Variants in DNAH14 observed in about 807,000 individuals in gnomAD.
The protein encoded by DNAH14 is dynein axonemal heavy chain 14.
DNAH14 carries 478 observed loss-of-function variants against 520.9 expected under a neutral mutation model. That is an observed-to-expected ratio of 0.92 (90% CI 0.85 to 0.99). The LOEUF (loss-of-function observed/expected upper bound fraction) is 0.99, where lower values mean the gene tolerates loss of function less well. Among genes scored for constraint, DNAH14 ranks in the 50% least tolerant of loss-of-function variants. The pLI, the probability that DNAH14 is intolerant of heterozygous loss-of-function variation, is 0.00. For missense variants in DNAH14, 4,831 were observed against 5,234.5 expected, an observed-to-expected ratio of 0.92 and a Z score of 2.38; for synonymous variants, 1,581 against 1,757.2, an observed-to-expected ratio of 0.90 and a Z score of 2.51.
chr1:225,156,678 G>C (rs1303030706), intron 34 of DNAH14, among the ~76,000 whole-genome samples: 3 of 148,724 alleles, frequency 2.0e-5, no homozygotes, highest in African/African-American at 5.0e-5. Context: ...ATTTACATCT[G>C]GATACTCTAG....
At chr1:225,013,493 A>T (rs2147928855) in intron 10 of DNAH14, among the ~76,000 whole-genome samples, 1 of 152,144 alleles carries the variant, frequency 6.6e-6, no homozygotes, top group East Asian at 1.9e-4. Flanking sequence ...GTGCTGGGAG[A>T]TCTGTTACTC....
At chr1:225,122,115 T>C (rs1269380617) in intron 26 of DNAH14, among the ~76,000 whole-genome samples, 2 of 152,180 alleles carry the variant, frequency 1.3e-5, no homozygotes, top group African/African-American at 4.8e-5. Context: ...ATTGATGATG[T>C]AATTATTTTA....
chr1:225,370,650 T>A (rs2095608283), intron 77 of DNAH14, among the ~76,000 whole-genome samples: 1 of 152,036 alleles, frequency 6.6e-6, no homozygotes, highest in Non-Finnish European at 1.5e-5. Context: ...ATGTCTCCAG[T>A]ATTAAAGAAA....
intron 5 of DNAH14, among the ~76,000 whole-genome samples, chr1:224,965,127 T>C (rs2061081404): frequency 6.6e-6 from 1 of 152,092 alleles, no homozygotes; most frequent in African/African-American, 2.4e-5. Context: ...GACCAGAGGG[T>C]GAAAGCTATG....
In DNAH14 at chr1:225,195,509, AG is replaced by A. The variant is rs2086014258; in HGVS notation, c.5886+2600del. ...ATAGACACTGGGGCTTACTTGGTGG[AG>A]GATGGGAGGATGGAGAGGATCAAAA... On this transcript the variant is annotated intron_variant, in intron 38 of 85. Coordinates refer to ENST00000682510, the MANE Select transcript of DNAH14 (RefSeq NM_001367479.1). 9.3e-5 allele frequency among the ~76,000 whole-genome samples: 14 copies of A among 151,308 alleles called. No homozygotes were observed. In the South Asian group the frequency reaches 3.0e-3, roughly 32 times the overall value.
At chr1:225,234,733 T>A (rs1467468410) in intron 42 of DNAH14, among the ~76,000 whole-genome samples, 3 of 152,224 alleles carry the variant, frequency 2.0e-5, no homozygotes, top group Non-Finnish European at 4.4e-5. Flanking sequence ...AGCAGTGGTT[T>A]GTAGTTCTCC....
At chr1:225,152,915 G>A in intron 33 of DNAH14, 32 bp downstream of exon 33, 3 of 1,538,780 alleles carry the variant, frequency 1.9e-6, no homozygotes, top group African/African-American at 1.4e-5. Flanking sequence ...AATATTTAAA[G>A]GTGATTATAT....
At chr1:225,188,590 A>T (rs1326158963) in intron 37 of DNAH14, among the ~76,000 whole-genome samples, 2 of 151,932 alleles carry the variant, frequency 1.3e-5, no homozygotes, top group Admixed American at 1.3e-4. Flanking sequence ...ATAAAGGCGG[A>T]TTATTGTAGT....
intron 60 of DNAH14, among the ~76,000 whole-genome samples, chr1:225,309,170 G>A (rs184946777): frequency 6.6e-6 from 1 of 152,130 alleles, no homozygotes; most frequent in Non-Finnish European, 1.5e-5. Flanking sequence ...AAATTTTCTT[G>A]TTGGCCTCTT....
intron 53 of DNAH14, 21 bp from the exon 54 acceptor site, chr1:225,277,389 T>A (rs755090054): frequency 2.2e-6 from 1 of 461,912 alleles, no homozygotes; most frequent in South Asian, 1.6e-5. Context: ...ATCCATTTAT[T>A]TGTCACATTT....
In DNAH14 at chr1:225,150,263, A is replaced by G. The variant is rs536579911; in HGVS notation, c.4941-1742A>G. Among the ~76,000 whole-genome samples, 10 of 152,318 alleles carry G rather than the reference A, an allele frequency of 6.6e-5. No homozygotes were observed. The South Asian group carries it at 2.1e-3, about 32-fold the overall frequency. On this transcript the variant is annotated intron_variant, in intron 31 of 85. Transcript: ENST00000682510. ...TAAAGCCTAGTTGATCGTGGTAGAT[A>G]AGGTTTTTGATGTGCTGCTAGATTC...
intron 55 of DNAH14, among the ~76,000 whole-genome samples, chr1:225,295,495 T>C (rs1442612352): frequency 6.6e-6 from 1 of 152,204 alleles, no homozygotes; most frequent in Non-Finnish European, 1.5e-5. Flanking sequence ...TCTTAATTTC[T>C]TCCTTCATCC....
At chr1:224,935,357 C>T (rs752052738) in intron 1 of DNAH14, among the ~76,000 whole-genome samples, 14 of 151,526 alleles carry the variant, frequency 9.2e-5, no homozygotes, top group South Asian at 2.1e-4. Context: ...TTATCAGTAA[C>T]GACACATATA....
chr1:224,982,782 A>C (rs561306185), intron 8 of DNAH14, among the ~76,000 whole-genome samples: 1 of 152,222 alleles, frequency 6.6e-6, no homozygotes, highest in Admixed American at 6.5e-5. Flanking sequence ...TTTGGAGTTG[A>C]TTTCCAGTTT....
At position 225,364,913 on chromosome 1, in the gene DNAH14, A is replaced by G; in HGVS notation, c.12090+19A>G. 2.0e-6 allele frequency: 3 copies of G among 1,511,886 alleles called. No individual in the cohort carries two copies. The highest frequency in any genetic ancestry group is 2.7e-6 in the Non-Finnish European group (3 of 1,120,284). The allele number at this position is 1,511,886 out of a possible 1,614,324, so 93.7% of individuals were successfully genotyped here. ...TTTAAAGGTAAGAACAAAGTATAAC[A>G]GATTTAATGTTGACTGAGGAGCCCT... is the stretch of plus-strand genomic sequence containing the variant. On this transcript the variant is annotated intron_variant, in intron 76 of 85. Coordinates refer to ENST00000682510, the MANE Select transcript of DNAH14 (RefSeq NM_001367479.1).
chr1:225,229,744 A>C (rs2090915944), intron 41 of DNAH14, among the ~76,000 whole-genome samples: 1 of 151,878 alleles, frequency 6.6e-6, no homozygotes, highest in Non-Finnish European at 1.5e-5. Flanking sequence ...CAAGGGGGGA[A>C]CATCATACAC....
At chr1:225,202,532 TC>T (rs34185159) in intron 38 of DNAH14, among the ~76,000 whole-genome samples, 1 of 152,104 alleles carries the variant, frequency 6.6e-6, no homozygotes, top group Admixed American at 6.5e-5. Flanking sequence ...CTAGTCTCAC[TC>T]CCACTGTGTC....
chr1:225,099,694 T>C (rs895421023), intron 22 of DNAH14, among the ~76,000 whole-genome samples: 1 of 152,090 alleles, frequency 6.6e-6, no homozygotes, highest in Non-Finnish European at 1.5e-5. Flanking sequence ...ATCCCAGAAG[T>C]ATACTACTTA....
intron 42 of DNAH14, among the ~76,000 whole-genome samples, chr1:225,235,909 G>T (rs1243498375): frequency 1.3e-5 from 2 of 151,864 alleles, no homozygotes; most frequent in South Asian, 2.1e-4. Context: ...TCTGATTGTG[G>T]CTATTTGATT....
Sources: gnomAD v4.1 joint callset for allele counts (sites outside exome capture counted in the v4.1 genomes callset) on GRCh38, gnomAD v4.1.1 for gene constraint, MANE v1.5 for transcripts, NCBI Gene and HGNC (gene_info 2026-07-23, HGNC 2026-07-21) for gene names.